KHDRBS1: variants seen among roughly 807,000 people sequenced by gnomAD.
The protein encoded by KHDRBS1 is KH RNA binding domain containing, signal transduction associated 1, also known as KH domain-containing, RNA-binding, signal transduction-associated protein 1.
Under a neutral mutation model 48.4 loss-of-function variants are expected in KHDRBS1, and 7 were observed. That is an observed-to-expected ratio of 0.14 (90% CI 0.08 to 0.27). The LOEUF (loss-of-function observed/expected upper bound fraction) is 0.27, where lower values mean the gene tolerates loss of function less well. Ranked by LOEUF, KHDRBS1 falls within the 10% of genes least tolerant of loss-of-function variation. KHDRBS1 has a pLI of 1.00. For synonymous variants in KHDRBS1, 241 were observed against 235.8 expected, an observed-to-expected ratio of 1.02 and a Z score of -0.20; for missense variants, 458 against 601.2, an observed-to-expected ratio of 0.76 and a Z score of 2.49.
chr1:32,035,874 G>GAA (rs1639167185), intron 4 of KHDRBS1, among the ~76,000 whole-genome samples: 1 of 152,176 alleles, frequency 6.6e-6, no homozygotes, highest in African/African-American at 2.4e-5. Context: ...TGAGAAAAGA[G>GAA]GAGTTGTAGG....
intron 5 of KHDRBS1, among the ~76,000 whole-genome samples, chr1:32,037,271 G>A (rs1370947490): frequency 6.6e-6 from 1 of 152,066 alleles, no homozygotes; most frequent in African/African-American, 2.4e-5. Flanking sequence ...GGCCAACATG[G>A]TGAAACCCTG....
intron 1 of KHDRBS1, among the ~76,000 whole-genome samples, chr1:32,028,075 C>G (rs1019255066): frequency 6.6e-6 from 1 of 152,182 alleles, no homozygotes; most frequent in African/African-American, 2.4e-5. Context: ...AGAGATTGCA[C>G]CACTGCGCTC....
At chr1:32,038,724 C>T (rs531561389) in intron 7 of KHDRBS1, 105 bp downstream of exon 7, 31 of 1,143,232 alleles carry the variant, frequency 2.7e-5, no homozygotes, top group South Asian at 1.4e-4. Context: ...CAGAATGGTT[C>T]GCCTTTTGAG....
chr1:32,021,334 T>C (rs1320884066), intron 1 of KHDRBS1, among the ~76,000 whole-genome samples: 1 of 151,988 alleles, frequency 6.6e-6, no homozygotes, highest in Non-Finnish European at 1.5e-5. Flanking sequence ...TAATATATTA[T>C]GAGTTTATAT....
intron 4 of KHDRBS1, among the ~76,000 whole-genome samples, chr1:32,034,317 A>G (rs1639134471): frequency 6.6e-6 from 1 of 151,534 alleles, no homozygotes; most frequent in South Asian, 2.1e-4. Context: ...AATCCCAGCA[A>G]TTTGGGAGGC....
At position 32,043,507 on chromosome 1, in the gene KHDRBS1, G is replaced by T. The variant is rs1350689111; in HGVS notation, c.*883G>T. On this transcript the variant is annotated 3_prime_UTR_variant, in exon 9 of 9. Transcript: ENST00000327300. ...CATAGTACTAATAATTAAATTTTCA[G>T]TATTTAAAAAGACAAAGTATTTTGT... is the stretch of plus-strand genomic sequence containing the variant. 1 of 152,514 alleles carries T rather than the reference G, an allele frequency of 6.6e-6. No homozygotes were observed. Among genetic ancestry groups the T allele is most frequent in the Non-Finnish European group, 1.5e-5 (1 of 68,008 alleles). The allele number at this position is 152,514 out of a possible 1,614,324, so 9.4% of individuals were successfully genotyped here.
Position 32,030,280 on chromosome 1 carries a change from A to G in KHDRBS1, c.383-18A>G, listed in dbSNP as rs748870012. The G allele has an allele frequency of 3.8e-6, 6 of 1,598,398 alleles. No individual in the cohort carries two copies. In the African/African-American group the frequency reaches 8.1e-5, roughly 22 times the overall value. On this transcript the variant is annotated intron_variant, in intron 1 of 8. Coordinates refer to ENST00000327300, the MANE Select transcript of KHDRBS1 (RefSeq NM_006559.3). Reference sequence around the variant, plus strand: ...CATTTATTTACCAGGGCAAAAATAAATTGTTTTTCCTATTCAGAAATTGAG... The same window carrying G: ...CATTTATTTACCAGGGCAAAAATAAGTTGTTTTTCCTATTCAGAAATTGAG...
chr1:32,033,807 T>A (rs758900282), intron 4 of KHDRBS1, among the ~76,000 whole-genome samples: 1 of 152,198 alleles, frequency 6.6e-6, no homozygotes, highest in Non-Finnish European at 1.5e-5. Context: ...CTGAGCACAC[T>A]CAGGGATTTC....
chr1:32,037,177 A>C, intron 5 of KHDRBS1, 134 bp downstream of exon 5: 1 of 971,014 alleles, frequency 1.0e-6, no homozygotes, highest in Non-Finnish European at 1.5e-6. Context: ...GAATTCTACA[A>C]CCATACTCTC....
In KHDRBS1 at chr1:32,019,352, C is replaced by T. The variant is rs895746291; in HGVS notation, c.382+4975C>T. The stretch of plus-strand genomic sequence containing the variant: ...ATTAACTGAGGTCAGGAGTTTAAGA[C>T]CAGCCTGACCAACATGGTGAAACCC... On this transcript the variant is annotated intron_variant, in intron 1 of 8. Coordinates refer to ENST00000327300, the MANE Select transcript of KHDRBS1 (RefSeq NM_006559.3). 2.0e-5 allele frequency among the ~76,000 whole-genome samples: 3 copies of T among 151,988 alleles called. No individual in the cohort carries two copies. In the East Asian group the frequency reaches 5.8e-4, roughly 29 times the overall value.
intron 10 of KHDRBS1, among the ~76,000 whole-genome samples, chr1:32,050,531 G>A (rs936386494): frequency 6.6e-6 from 1 of 151,208 alleles, no homozygotes; most frequent in Admixed American, 6.6e-5. Flanking sequence ...TTGTTTTTTG[G>A]AGACAGAGTC....
At chr1:32,046,240 A>C (rs1639355014), downstream of KHDRBS1, among the ~76,000 whole-genome samples, 1 of 148,536 alleles carries the variant, frequency 6.7e-6, no homozygotes, top group African/African-American at 2.5e-5. Flanking sequence ...TTTGAGACGG[A>C]GCCCTGCTCC....
chr1:32,038,146 T>C, intron 6 of KHDRBS1, 110 bp downstream of exon 6: 1 of 1,498,112 alleles, frequency 6.7e-7, no homozygotes. Context: ...GCCTGTAAGA[T>C]TTGCAATCTG....
intron 1 of KHDRBS1, among the ~76,000 whole-genome samples, chr1:32,018,373 A>G (rs1638785591): frequency 6.6e-6 from 1 of 152,184 alleles, no homozygotes; most frequent in South Asian, 2.1e-4. Context: ...AGGCAGGAAG[A>G]TCATTTGAAC....
intron 8 of KHDRBS1, among the ~76,000 whole-genome samples, chr1:32,042,130 G>A (rs72878620): frequency 0.038 from 5,720 of 152,278 alleles, 347 homozygotes; most frequent in African/African-American, 0.13. Flanking sequence ...ACCTGAGGGT[G>A]CCTGCCAAAT....
At chr1:32,018,964 G>A (rs1638799958) in intron 1 of KHDRBS1, among the ~76,000 whole-genome samples, 2 of 151,532 alleles carry the variant, frequency 1.3e-5, no homozygotes, top group African/African-American at 2.4e-5. Flanking sequence ...CTAGCTACTC[G>A]GGAGCCTGTA....
intron 6 of KHDRBS1, 35 bp from the exon 7 acceptor site, chr1:32,038,517 T>C: frequency 6.2e-7 from 1 of 1,602,244 alleles, no homozygotes; most frequent in Admixed American, 1.7e-5. Context: ...ATGATTTTGA[T>C]CTTTTATTTC....
chr1:32,027,220 C>T (rs898572781), intron 1 of KHDRBS1, among the ~76,000 whole-genome samples: 1 of 152,216 alleles, frequency 6.6e-6, no homozygotes, highest in African/African-American at 2.4e-5. Context: ...GCATGAGCCA[C>T]CTCTCCTGGC....
At chr1:32,038,071 C>T (rs1639218820) in intron 6 of KHDRBS1, 35 bp downstream of exon 6, 1 of 1,608,386 alleles carries the variant, frequency 6.2e-7, no homozygotes, top group African/African-American at 1.3e-5. Flanking sequence ...TTTCCCAGTA[C>T]CTAGAAGGCT....
Sources: allele counts gnomAD v4.1 joint callset (sites outside exome capture counted in the v4.1 genomes callset), GRCh38; gene constraint gnomAD v4.1.1; transcripts MANE v1.5; gene names NCBI Gene and HGNC (gene_info 2026-07-23, HGNC 2026-07-21).